MZT2B: variants seen among roughly 807,000 people sequenced by gnomAD.
MZT2B encodes mitotic-spindle organizing protein 2B.
A neutral mutation model predicts 12.1 loss-of-function variants in MZT2B; 11 were observed. The ratio of observed to expected loss-of-function variants is 0.91; its 90% CI spans 0.57 to 1.50. The LOEUF is 1.50. Among genes scored for constraint, MZT2B ranks in the 40% most tolerant of loss-of-function variants. The pLI is 0.00. For synonymous variants in MZT2B, 85 were observed against 109.5 expected (o/e 0.78, Z 1.40); for missense variants, 209 against 227.7 (o/e 0.92, Z 0.53).
the MZT2B span, among the ~76,000 whole-genome samples, chr2:130,201,445 C>T: frequency 1.3e-5 from 2 of 152,196 alleles, no homozygotes; most frequent in Non-Finnish European, 2.9e-5. Context: ...AGCATCCAAG[C>T]GCTCTGGTCT....
At chr2:130,184,479 A>G in intron 2 of MZT2B, 1 of 985,380 alleles carries the variant, frequency 1.0e-6, no homozygotes, top group Non-Finnish European at 1.2e-6. Flanking sequence ...CTCCTGAGTT[A>G]GCACACTTTC....
At chr2:130,188,815 G>A (rs143035219) in intron 2 of MZT2B, among the ~76,000 whole-genome samples, 4,251 of 149,646 alleles carry the variant, frequency 0.028, 181 homozygotes, top group African/African-American at 0.1. Context: ...GGGGGTCCAC[G>A]GCATCTCAGA....
upstream of MZT2B, chr2:130,181,828 C>G (rs1337758127): frequency 6.5e-7 from 1 of 1,543,540 alleles, no homozygotes; most frequent in Non-Finnish European, 8.7e-7. Flanking sequence ...AATCCGCGTG[C>G]GCGTAAGCAG....
the MZT2B span, among the ~76,000 whole-genome samples, chr2:130,203,275 G>A: frequency 2.0e-5 from 3 of 152,240 alleles, no homozygotes; most frequent in African/African-American, 7.2e-5. Flanking sequence ...TTGTCTGGGA[G>A]TGCAGTGTGG....
Position 130,182,266 on chromosome 2 carries a change from T to C in MZT2B, c.-17T>C, listed in dbSNP as rs1187945128. ...GGGCGCGGCGGGGCGGAGCGCACCT[T>C]TCCGCGGGCCGCGGGGATGGCGGCG... On this transcript the variant is annotated 5_prime_UTR_variant, in exon 1 of 3. Transcript: ENST00000281871. 5 of 1,294,758 alleles carry C rather than the reference T, an allele frequency of 3.9e-6. No homozygotes were observed. The highest frequency in any genetic ancestry group is 3.9e-6 in the Non-Finnish European group (4 of 1,029,892). The allele number at this position is 1,294,758 out of a possible 1,614,324, so 80.2% of individuals were successfully genotyped here.
chr2:130,200,768 AT>A, the MZT2B span, among the ~76,000 whole-genome samples: 3 of 151,244 alleles, frequency 2.0e-5, no homozygotes, highest in African/African-American at 7.3e-5. Context: ...TTATTTATTT[AT>A]TTTTTGACAC....
At chr2:130,185,335 T>C (rs6431131) in intron 2 of MZT2B, among the ~76,000 whole-genome samples, 67,035 of 144,128 alleles carry the variant, frequency 0.47, 16,171 homozygotes, top group African/African-American at 0.59. Flanking sequence ...ACTAGCCAGG[T>C]GGGCATGGTG....
chr2:130,190,019 A>G (rs955678683), intron 2 of MZT2B, among the ~76,000 whole-genome samples: 8 of 152,180 alleles, frequency 5.3e-5, no homozygotes, highest in Non-Finnish European at 4.4e-5. Context: ...CCTGCCTGTC[A>G]CCATCTAGGG....
downstream of MZT2B, chr2:130,195,335 T>C (rs1285547231): frequency 8.2e-6 from 12 of 1,467,026 alleles, no homozygotes; most frequent in Non-Finnish European, 1.0e-5. Flanking sequence ...TCAAAGTACA[T>C]GACCTACATG....
chr2:130,190,483 A>C lies in MZT2B; in HGVS notation c.334A>C (p.Ser112Arg). 1 of 1,613,590 alleles carries C rather than the reference A, an allele frequency of 6.2e-7. No homozygotes were observed. The highest frequency in any genetic ancestry group is 8.5e-7 in the Non-Finnish European group (1 of 1,179,788). Residue 112 changes from serine to arginine, a missense_variant, in exon 3 of 3, where the codon AGC (serine) becomes CGC (arginine). By Grantham distance (110) the Ser-to-Arg change is moderately radical. Coordinates refer to ENST00000281871, the MANE Select transcript of MZT2B (RefSeq NM_025029.5). Reference protein sequence around the residue: ...VPETRGRNKGSAALGGALALA... With the variant: ...VPETRGRNKGRAALGGALALA... ...TGTCTCCTCAGGGAGAAACAAAGGC[A>C]GCGCTGCCCTCGGGGGAGCATTGGC...
chr2:130,202,830 C>G, the MZT2B span, among the ~76,000 whole-genome samples: 5,001 of 132,702 alleles, frequency 0.038, no homozygotes, highest in African/African-American at 0.15. Flanking sequence ...CGCCTGACAC[C>G]AGTGACCTCG....
Position 130,190,460 on chromosome 2 carries a change from T to C in MZT2B, c.320-9T>C, listed in dbSNP as rs913373401. 2 of 1,612,476 alleles carry C rather than the reference T, an allele frequency of 1.2e-6. No individual in the cohort carries two copies. Among genetic ancestry groups the C allele is most frequent in the Non-Finnish European group, 8.5e-7 (1 of 1,179,054 alleles). ...CCATTCCTAATCATTGTGCTTTGTGTCTCCTCAGGGAGAAACAAAGGCAGC... is the reference window on the plus strand; with the variant it reads ...CCATTCCTAATCATTGTGCTTTGTGCCTCCTCAGGGAGAAACAAAGGCAGC... On this transcript the variant is annotated splice_polypyrimidine_tract_variant and intron_variant, in intron 2 of 2. Transcript: ENST00000281871.
At chr2:130,203,303 T>C in the MZT2B span, among the ~76,000 whole-genome samples, 1 of 152,258 alleles carries the variant, frequency 6.6e-6, no homozygotes, top group Admixed American at 6.5e-5. Context: ...GGCCTCTCAT[T>C]GCTTGACACA....
chr2:130,192,886 G>A (rs1036627332), downstream of MZT2B, among the ~76,000 whole-genome samples: 1 of 152,176 alleles, frequency 6.6e-6, no homozygotes, highest in Non-Finnish European at 1.5e-5. Context: ...GTGAGGCCAG[G>A]GGTTTGAGAC....
chr2:130,195,166 C>T (rs767204960), downstream of MZT2B: 8 of 1,613,842 alleles, frequency 5.0e-6, no homozygotes, highest in African/African-American at 1.3e-5. Flanking sequence ...CTGCATCTTC[C>T]TTCCCGGTGA....
upstream of MZT2B, chr2:130,182,130 A>T: frequency 7.9e-7 from 1 of 1,262,778 alleles, no homozygotes; most frequent in Non-Finnish European, 1.0e-6. Context: ...TTGGGCTTCA[A>T]TGACGCCGCG....
chr2:130,200,501 C>T, the MZT2B span, among the ~76,000 whole-genome samples: 1 of 152,162 alleles, frequency 6.6e-6, no homozygotes, highest in Admixed American at 6.5e-5. Context: ...AACAAAATGC[C>T]TTTAAACAGT....
downstream of MZT2B, chr2:130,194,352 T>C: frequency 6.2e-7 from 1 of 1,613,302 alleles, no homozygotes; most frequent in South Asian, 1.1e-5. Flanking sequence ...AGCTTGGACT[T>C]CTTGCTGTAA....
At chr2:130,181,875 C>T, upstream of MZT2B, 1 of 1,526,326 alleles carries the variant, frequency 6.6e-7, no homozygotes, top group Non-Finnish European at 8.8e-7. Flanking sequence ...CCCCCGCCCG[C>T]CCCGAAAAGC....
Sources: allele counts gnomAD v4.1 joint callset (sites outside exome capture counted in the v4.1 genomes callset), GRCh38; gene constraint gnomAD v4.1.1; transcripts MANE v1.5; gene names NCBI Gene and HGNC (gene_info 2026-07-23, HGNC 2026-07-21).